Variants in TASOR observed in about 807,000 individuals in gnomAD.
TASOR encodes protein TASOR.
TASOR carries 53 observed loss-of-function variants against 178.6 expected under a neutral mutation model. The observed-to-expected ratio is 0.30, with a 90% CI of 0.24 to 0.37. The LOEUF is 0.37. Ranked by LOEUF, TASOR falls within the 10% of genes least tolerant of loss-of-function variation. TASOR has a pLI of 1.00. For synonymous variants in TASOR, 713 were observed against 696.2 expected (o/e 1.02, Z -0.38); for missense variants, 1,815 against 1,971.4 (o/e 0.92, Z 1.50).
At chr3:56,642,859 C>A (rs2077154822) in intron 14 of TASOR, among the ~76,000 whole-genome samples, 1 of 152,102 alleles carries the variant, frequency 6.6e-6, no homozygotes, top group Admixed American at 6.5e-5. Flanking sequence ...ACCTGTAGTC[C>A]CAGCTACTTG....
At chr3:56,675,740 A>C (rs1054093) in intron 1 of TASOR, among the ~76,000 whole-genome samples, 28,199 of 152,130 alleles carry the variant, frequency 0.19, 3,443 homozygotes, top group South Asian at 0.41. Flanking sequence ...TGTAACAGTC[A>C]AAACAGGTCA....
intron 1 of TASOR, among the ~76,000 whole-genome samples, chr3:56,674,791 A>T (rs1396425947): frequency 6.6e-6 from 1 of 152,198 alleles, no homozygotes; most frequent in Admixed American, 6.5e-5. Flanking sequence ...ACGTGGAAAA[A>T]GCTCTAAGCA....
chr3:56,626,993 T>C (rs371574237), intron 21 of TASOR, 44 bp downstream of exon 21: 7 of 1,162,654 alleles, frequency 6.0e-6, no homozygotes, highest in Non-Finnish European at 8.8e-6. Flanking sequence ...ATGAGTACAA[T>C]GTTAAAATCA....
At chr3:56,678,460 C>G (rs2031519114) in intron 1 of TASOR, among the ~76,000 whole-genome samples, 1 of 151,876 alleles carries the variant, frequency 6.6e-6, no homozygotes, top group African/African-American at 2.4e-5. Context: ...GGATTACAGA[C>G]ATGATCCACC....
intron 11 of TASOR, among the ~76,000 whole-genome samples, chr3:56,654,216 G>A (rs2077420704): frequency 6.6e-6 from 1 of 151,986 alleles, no homozygotes; most frequent in Non-Finnish European, 1.5e-5. Flanking sequence ...GCAGTGAGCT[G>A]AGATTGTGCC....
intron 20 of TASOR, 29 bp downstream of exon 20, chr3:56,627,553 G>A: frequency 6.2e-7 from 1 of 1,610,990 alleles, no homozygotes. Flanking sequence ...CAGAAGAGGA[G>A]TTACGTGCTC....
rs11401064 is a variant in TASOR at position 56,621,818 on chromosome 3, TAAAA to T, written c.*1215_*1218del. On this transcript the variant is annotated 3_prime_UTR_variant, in exon 24 of 24. Transcript: ENST00000683822. The stretch of plus-strand genomic sequence containing the variant: ...TACTTCTTTTGTAAAAGCTTAGTAG[TAAAA>T]AAAAAAAAAAAAAAACCGGTTCTTC... 12 of 134,060 alleles carry T rather than the reference TAAAA, an allele frequency of 9.0e-5. No homozygotes were observed. The highest frequency in any genetic ancestry group is 1.4e-4 in the Non-Finnish European group (9 of 64,500). 8.3% of individuals were successfully genotyped at this position (134,060 alleles called of 1,614,324 possible).
chr3:56,661,380 T>C (rs987180069), intron 9 of TASOR, among the ~76,000 whole-genome samples: 7 of 152,144 alleles, frequency 4.6e-5, no homozygotes, highest in African/African-American at 1.7e-4. Context: ...GGTCTCAAAT[T>C]CCCGGTCTCA....
intron 18 of TASOR, among the ~76,000 whole-genome samples, chr3:56,629,563 G>A (rs2076868069): frequency 6.6e-6 from 1 of 152,180 alleles, no homozygotes; most frequent in African/African-American, 2.4e-5. Flanking sequence ...TGTCTTCAAA[G>A]TAGACTTTCC....
rs772197911 is a variant in TASOR at position 56,623,247 on chromosome 3, T to C, written c.4803A>G (p.Gln1601=). ...SYSNFQVYHS[Q]LNMSHQFSHF... ...GACTAAACTGATGGGACATATTTAA[T>C]TGACTATGATAAACCTGAAAGTTAC... The change falls in exon 24 of 24, where the codon CAA becomes CAG. Residue 1601 remains glutamine, a synonymous_variant. Coordinates refer to ENST00000683822, the MANE Select transcript of TASOR (RefSeq NM_001365635.2). 1.2e-6 allele frequency: 2 copies of C among 1,613,532 alleles called. No homozygotes were observed. Among genetic ancestry groups the C allele is most frequent in the Non-Finnish European group, 1.7e-6 (2 of 1,179,914 alleles).
At chr3:56,658,646 G>T (rs867392611) in intron 11 of TASOR, among the ~76,000 whole-genome samples, 2 of 152,292 alleles carry the variant, frequency 1.3e-5, no homozygotes, top group African/African-American at 4.8e-5. Flanking sequence ...GCCAGGCGCG[G>T]TGGCTCACCC....
chr3:56,656,107 A>G (rs917675662), intron 11 of TASOR, among the ~76,000 whole-genome samples: 2 of 152,246 alleles, frequency 1.3e-5, no homozygotes, highest in Non-Finnish European at 2.9e-5. Flanking sequence ...GGGGACTACT[A>G]TAAAGATGAG....
rs758213829 is a variant in TASOR, at chr3:56,661,041, G to A, written c.1161-24C>T. Reference sequence around the variant, plus strand: ...GTCTGAAAGAAAATTTTAAAAACATGTTTGCCTTATCTGTATTTTCAACTC... The same window carrying A: ...GTCTGAAAGAAAATTTTAAAAACATATTTGCCTTATCTGTATTTTCAACTC... On this transcript the variant is annotated intron_variant, in intron 9 of 23. Coordinates refer to ENST00000683822, the MANE Select transcript of TASOR (RefSeq NM_001365635.2). 4.0e-6 allele frequency: 6 copies of A among 1,498,560 alleles called. No homozygotes were observed. In the East Asian group the frequency reaches 1.1e-4, roughly 28 times the overall value. The allele number at this position is 1,498,560 out of a possible 1,614,324, so 92.8% of individuals were successfully genotyped here.
intron 11 of TASOR, among the ~76,000 whole-genome samples, chr3:56,660,315 C>A (rs531577965): frequency 3.3e-5 from 5 of 151,760 alleles, no homozygotes; most frequent in African/African-American, 1.2e-4. Flanking sequence ...CACGGTGAAA[C>A]CCCGTCTCTA....
intron 18 of TASOR, chr3:56,628,892 A>C: frequency 3.8e-5 from 8 of 211,436 alleles, no homozygotes; most frequent in East Asian, 1.1e-4. Flanking sequence ...TCCTGAATAC[A>C]TGGATGGCAC....
At chr3:56,661,197 A>C (rs2077586316) in intron 9 of TASOR, among the ~76,000 whole-genome samples, 180 bp from the exon 10 acceptor site, 1 of 152,216 alleles carries the variant, frequency 6.6e-6, no homozygotes, top group Non-Finnish European at 1.5e-5. Flanking sequence ...CCTAGGCTAG[A>C]GTGCAGTGGT....
chr3:56,624,602 T>C lies in TASOR; in HGVS notation c.4360A>G (p.Ile1454Val), dbSNP rs2107524680. ...AAGTCTTCAGCAGTTGCAACCACTA[T>C]TCCATTATCTGTATAACTGGAAAGC... Reference protein sequence around the residue: ...KMLSSYTDNGIVVATAEDFMQ... With the variant: ...KMLSSYTDNGVVVATAEDFMQ... Residue 1454 changes from isoleucine (I) to valine (V), a missense_variant, in exon 23 of 24, where the codon ATA becomes GTA. Around this residue, in one of 5 missense-constraint regions of TASOR, gnomAD observed 278 missense variants for 257.1 expected, o/e 1.08. Transcript: ENST00000683822. The C allele has an allele frequency of 1.2e-6, 2 of 1,614,054 alleles. No individual in the cohort carries two copies. Among genetic ancestry groups the C allele is most frequent in the East Asian group, 4.5e-5 (2 of 44,872 alleles).
intron 5 of TASOR, among the ~76,000 whole-genome samples, chr3:56,669,415 A>C (rs922164600): frequency 1.3e-5 from 2 of 152,078 alleles, no homozygotes; most frequent in African/African-American, 4.8e-5. Context: ...AAGCAGGAGA[A>C]TGGCATGAAC....
rs1326843522 is a variant in TASOR at position 56,621,272 on chromosome 3, A to AC, written c.*1764dup. On this transcript the variant is annotated 3_prime_UTR_variant, in exon 24 of 24. Coordinates refer to ENST00000683822, the MANE Select transcript of TASOR (RefSeq NM_001365635.2). ...TGGGGGAGAAGGGATGACTTCATTT[A>AC]CCCCCATAGTTATGGAGTCTTGAGT... The AC allele has an allele frequency of 3.7e-6, 1 of 273,616 alleles. No individual in the cohort carries two copies. Among genetic ancestry groups the AC allele is most frequent in the Non-Finnish European group, 6.8e-6 (1 of 146,702 alleles). 16.9% of individuals were successfully genotyped at this position (273,616 alleles called of 1,614,324 possible). A position where few individuals can be genotyped will look rare whatever the true frequency, so the allele number is the denominator to read the frequency against.
Sources: gnomAD v4.1 joint callset for allele counts (sites outside exome capture counted in the v4.1 genomes callset) on GRCh38, gnomAD v4.1.1 for gene constraint, gnomAD v4.1.1 regional missense constraint, MANE v1.5 for transcripts, NCBI Gene and HGNC (gene_info 2026-07-23, HGNC 2026-07-21) for gene names.